Variants in MAP2K5 observed in about 807,000 individuals in gnomAD.
MAP2K5 encodes the protein mitogen-activated protein kinase kinase 5, also known as dual specificity mitogen-activated protein kinase kinase 5.
A neutral mutation model predicts 83.1 loss-of-function variants in MAP2K5; 49 were observed. The observed-to-expected ratio is 0.59, with a 90% CI of 0.47 to 0.75. The LOEUF (loss-of-function observed/expected upper bound fraction) is 0.75, where lower values mean the gene tolerates loss of function less well. Among genes scored for constraint, MAP2K5 ranks in the 30% least tolerant of loss-of-function variants. The pLI, the probability that MAP2K5 is intolerant of heterozygous loss-of-function variation, is 0.00. For missense variants in MAP2K5, 457 were observed against 557.5 expected (o/e 0.82, Z 1.82); for synonymous variants, 202 against 191.8 (o/e 1.05, Z -0.44).
intron 8 of MAP2K5, among the ~76,000 whole-genome samples, chr15:67,607,751 T>G (rs1243794149): frequency 1.3e-5 from 2 of 152,348 alleles, no homozygotes; most frequent in African/African-American, 4.8e-5. Context: ...TTCTTTCTGT[T>G]TTATAGCCTT....
In MAP2K5 at chr15:67,807,053, C is replaced by T. The variant is rs2090826494; in HGVS notation, c.*303C>T. The T allele has an allele frequency of 9.2e-7, 1 of 1,081,714 alleles. No individual in the cohort carries two copies. Among genetic ancestry groups the T allele is most frequent in the Admixed American group, 3.1e-5 (1 of 32,762 alleles). 67.0% of individuals were successfully genotyped at this position (1,081,714 alleles called of 1,614,324 possible). A position where few individuals can be genotyped will look rare whatever the true frequency, so the allele number is the denominator to read the frequency against. The stretch of plus-strand genomic sequence containing the variant: ...ACTTCTGTTTTCCTAATGTTTTTCT[C>T]TATAAAGGGTCAGGCCCGTCAGCAT... On this transcript the variant is annotated 3_prime_UTR_variant, in exon 22 of 22. Coordinates refer to ENST00000178640, the MANE Select transcript of MAP2K5 (RefSeq NM_145160.3). The surrounding 1 kb of genome is among the most constrained non-coding windows in gnomAD (Gnocchi z 5.1).
At chr15:67,784,507 A>G (rs1178680592) in intron 21 of MAP2K5, among the ~76,000 whole-genome samples, 1 of 152,216 alleles carries the variant, frequency 6.6e-6, no homozygotes, top group African/African-American at 2.4e-5. Context: ...CACAGGCTGC[A>G]TCTGCAGGGC....
At chr15:67,639,750 G>A (rs898531785) in intron 9 of MAP2K5, among the ~76,000 whole-genome samples, 2 of 152,226 alleles carry the variant, frequency 1.3e-5, no homozygotes, top group African/African-American at 4.8e-5. Flanking sequence ...TGAATCCTGT[G>A]TGTCTTTTAA....
intron 20 of MAP2K5, among the ~76,000 whole-genome samples, chr15:67,771,394 C>T (rs1257663010): frequency 6.6e-6 from 1 of 152,144 alleles, no homozygotes; most frequent in African/African-American, 2.4e-5. Flanking sequence ...TGGGGCTGGT[C>T]TGAGCAGCAG....
At position 67,636,615 on chromosome 15, in the gene MAP2K5, T is replaced by C. The variant is rs1234585228; in HGVS notation, c.585+5688T>C. 6.6e-6 allele frequency among the ~76,000 whole-genome samples: 1 copy of C among 152,144 alleles called. No homozygotes were observed. Among genetic ancestry groups the C allele is most frequent in the East Asian group, 1.9e-4 (1 of 5,190 alleles). On this transcript the variant is annotated intron_variant, in intron 9 of 21. Coordinates refer to ENST00000178640, the MANE Select transcript of MAP2K5 (RefSeq NM_145160.3). The surrounding 1 kb of genome is among the most constrained non-coding windows in gnomAD (Gnocchi z 4.7). ...TTAAGAAAGTAAAGGAATAAGAGAATAGCTACTCTGCTTGAGCAGAGCAGC... is the reference window on the plus strand; with the variant it reads ...TTAAGAAAGTAAAGGAATAAGAGAACAGCTACTCTGCTTGAGCAGAGCAGC...
At chr15:67,681,870 A>G (rs915177143) in intron 13 of MAP2K5, among the ~76,000 whole-genome samples, 1 of 152,196 alleles carries the variant, frequency 6.6e-6, no homozygotes, top group African/African-American at 2.4e-5. Flanking sequence ...CCTTGCCTTC[A>G]ATAAAACTAA....
At chr15:67,628,475 A>G in intron 8 of MAP2K5, 1 of 612,770 alleles carries the variant, frequency 1.6e-6, no homozygotes, top group South Asian at 2.0e-5. Flanking sequence ...GCGAGACTCC[A>G]TCTAAAAAAA....
Position 67,807,028 on chromosome 15 carries a change from A to C in MAP2K5, c.*278A>C, listed in dbSNP as rs1318179839. 7.6e-7 allele frequency: 1 copy of C among 1,315,332 alleles called. No individual in the cohort carries two copies. Among genetic ancestry groups the C allele is most frequent in the Non-Finnish European group, 1.0e-6 (1 of 995,620 alleles). The allele number at this position is 1,315,332 out of a possible 1,614,324, so 81.5% of individuals were successfully genotyped here. A position where few individuals can be genotyped will look rare whatever the true frequency, so the allele number is the denominator to read the frequency against. On this transcript the variant is annotated 3_prime_UTR_variant, in exon 22 of 22. Transcript: ENST00000178640. The surrounding 1 kb of genome is among the most constrained non-coding windows in gnomAD (Gnocchi z 5.1). ...ATGGAGGCTCCCAGGGTCCCTGCCC[A>C]CTTCTGTTTTCCTAATGTTTTTCTC...
intron 8 of MAP2K5, among the ~76,000 whole-genome samples, chr15:67,625,150 C>T (rs2086288172): frequency 6.6e-6 from 1 of 152,208 alleles, no homozygotes; most frequent in Non-Finnish European, 1.5e-5. Flanking sequence ...TTAAGACCAA[C>T]TTCTTTGTCT....
At position 67,781,557 on chromosome 15, in the gene MAP2K5, C is replaced by T. The variant is rs1161530994; in HGVS notation, c.1242+8805C>T. 6.6e-6 allele frequency among the ~76,000 whole-genome samples: 1 copy of T among 152,174 alleles called. No homozygotes were observed. Among genetic ancestry groups the T allele is most frequent in the East Asian group, 1.9e-4 (1 of 5,198 alleles). On this transcript the variant is annotated intron_variant, in intron 21 of 21. Transcript: ENST00000178640. This position sits in a 1 kb window ranked among gnomAD's most constrained non-coding sequence, Gnocchi z 4.0. ...TCAAGATTAGAATTAAACGTTAGGCCTTGGTCTACCGAGAGACATTTGCTG... is the reference window on the plus strand; with the variant it reads ...TCAAGATTAGAATTAAACGTTAGGCTTTGGTCTACCGAGAGACATTTGCTG...
chr15:67,575,916 C>CTTTCTGTT (rs1555527940), intron 3 of MAP2K5, among the ~76,000 whole-genome samples: 13 of 135,750 alleles, frequency 9.6e-5, no homozygotes, highest in East Asian at 6.6e-4. Flanking sequence ...TTCTTTCTTT[C>CTTTCTGTT]TTTTTTTTTT....
At chr15:67,606,878 G>C (rs1394244706) in intron 8 of MAP2K5, among the ~76,000 whole-genome samples, 1 of 152,158 alleles carries the variant, frequency 6.6e-6, no homozygotes, top group Non-Finnish European at 1.5e-5. Flanking sequence ...AGAATGAAAA[G>C]AGTCCTTGGT....
rs1682996090 is a variant in MAP2K5, at chr15:67,736,905, A to G, written c.1074+8960A>G. Among the ~76,000 whole-genome samples the G allele has an allele frequency of 6.6e-6, 1 of 152,206 alleles. No homozygotes were observed. Among genetic ancestry groups the G allele is most frequent in the Non-Finnish European group, 1.5e-5 (1 of 68,032 alleles). On this transcript the variant is annotated intron_variant, in intron 17 of 21. Coordinates refer to ENST00000178640, the MANE Select transcript of MAP2K5 (RefSeq NM_145160.3). This position sits in a 1 kb window ranked among gnomAD's most constrained non-coding sequence, Gnocchi z 4.3. ...GGAATCATAGGATTTCAGCATGTGA[A>G]GAGATCTTACAATGATCTAGTCCAA...
At chr15:67,601,004 A>G (rs573592343) in intron 8 of MAP2K5, among the ~76,000 whole-genome samples, 1 of 152,244 alleles carries the variant, frequency 6.6e-6, no homozygotes, top group South Asian at 2.1e-4. Context: ...GTGTACCTTT[A>G]ACTGGCCTGA....
chr15:67,591,827 T>A (rs2085418052), intron 6 of MAP2K5, among the ~76,000 whole-genome samples: 1 of 151,296 alleles, frequency 6.6e-6, no homozygotes, highest in South Asian at 2.1e-4. Context: ...ATAAGGACTT[T>A]CACGCCAGGG....
In MAP2K5 at chr15:67,769,077, A is replaced by C. The variant is rs1458027443; in HGVS notation, c.1135-525A>C. ...GGCTGAAATTCCTTTTCAGGAAACA[A>C]CTTCCCCTATAAAAGCCTTTCTATT... On this transcript the variant is annotated intron_variant, in intron 19 of 21. Coordinates refer to ENST00000178640, the MANE Select transcript of MAP2K5 (RefSeq NM_145160.3). The surrounding 1 kb of genome is among the most constrained non-coding windows in gnomAD (Gnocchi z 5.2). Among the ~76,000 whole-genome samples, 1 of 148,228 alleles carries C rather than the reference A, an allele frequency of 6.7e-6. No individual in the cohort carries two copies.
rs576751863 is a variant in MAP2K5 at position 67,637,643 on chromosome 15, G to T, written c.585+6716G>T. Among the ~76,000 whole-genome samples, 1 of 152,058 alleles carries T rather than the reference G, an allele frequency of 6.6e-6. No homozygotes were observed. The highest frequency in any genetic ancestry group is 2.4e-5 in the African/African-American group (1 of 41,398). On this transcript the variant is annotated intron_variant, in intron 9 of 21. Transcript: ENST00000178640. The surrounding 1 kb of genome is among the most constrained non-coding windows in gnomAD (Gnocchi z 4.5). ...AGCTGAAGACTCCAGGACCCCCTCGGCAGACCTCTGGAGCTCTCTCCCTCA... is the reference window on the plus strand; with the variant it reads ...AGCTGAAGACTCCAGGACCCCCTCGTCAGACCTCTGGAGCTCTCTCCCTCA...
Position 67,668,144 on chromosome 15 carries a change from A to G in MAP2K5, c.847+3499A>G, listed in dbSNP as rs1264366490. Among the ~76,000 whole-genome samples, 1 of 152,186 alleles carries G rather than the reference A, an allele frequency of 6.6e-6. No homozygotes were observed. Among genetic ancestry groups the G allele is most frequent in the Non-Finnish European group, 1.5e-5 (1 of 68,036 alleles). On this transcript the variant is annotated intron_variant, in intron 13 of 21. Coordinates refer to ENST00000178640, the MANE Select transcript of MAP2K5 (RefSeq NM_145160.3). The surrounding 1 kb of genome is among the most constrained non-coding windows in gnomAD (Gnocchi z 4.0). ...TCTTTTTAAGATTTGGTTGAGATAT[A>G]TGTGCAGGGACTTTATAAACTATTG...
At position 67,786,655 on chromosome 15, in the gene MAP2K5, TG is replaced by T. The variant is rs1379789435; in HGVS notation, c.1242+13905del. 6.6e-6 allele frequency among the ~76,000 whole-genome samples: 1 copy of T among 152,218 alleles called. No individual in the cohort carries two copies. The highest frequency in any genetic ancestry group is 1.5e-5 in the Non-Finnish European group (1 of 68,010). On this transcript the variant is annotated intron_variant, in intron 21 of 21. Transcript: ENST00000178640. The surrounding 1 kb of genome is among the most constrained non-coding windows in gnomAD (Gnocchi z 4.7). ...CCTGAGTACAGAACTTGGAAAGTGGTGGTACAACAGAAAGCCAGCTTCTCCC... is the reference window on the plus strand; with the variant it reads ...CCTGAGTACAGAACTTGGAAAGTGGTGTACAACAGAAAGCCAGCTTCTCCC...
Sources: allele counts gnomAD v4.1 joint callset (sites outside exome capture counted in the v4.1 genomes callset), GRCh38; gene constraint gnomAD v4.1.1; non-coding constraint Gnocchi (gnomAD v3.1); transcripts MANE v1.5; gene names NCBI Gene and HGNC (gene_info 2026-07-23, HGNC 2026-07-21).